Variants in MGST3 observed in about 807,000 individuals in gnomAD.
MGST3 encodes the protein glutathione S-transferase 3, mitochondrial.
A neutral mutation model predicts 15.8 loss-of-function variants in MGST3; 13 were observed. The ratio of observed to expected loss-of-function variants is 0.82; its 90% CI spans 0.54 to 1.31. MGST3 has a LOEUF of 1.31. MGST3 is among the 50% of genes most tolerant of loss of function. MGST3 has a pLI of 0.00. For synonymous variants in MGST3, 49 were observed against 68.1 expected (o/e 0.72, Z 1.38); for missense variants, 155 against 192.4 (o/e 0.81, Z 1.15).
At chr1:165,650,189 TAGA>T (rs1648514312) in intron 2 of MGST3, 1 of 571,878 alleles carries the variant, frequency 1.7e-6, no homozygotes. Context: ...GTCTCTTCGG[TAGA>T]AAGACCAGGA....
At position 165,638,794 on chromosome 1, in the gene MGST3, T is replaced by TA. The variant is rs34399622; in HGVS notation, c.-8+7516dup. On this transcript the variant is annotated intron_variant, in intron 1 of 5. Coordinates refer to ENST00000367889, the MANE Select transcript of MGST3 (RefSeq NM_004528.4). ...TGTGGGACAGAGAGAGACTCCGTCT[T>TA]AAAAAAAAAAAAAAACCCACATTCT... 8.0e-3 allele frequency among the ~76,000 whole-genome samples: 1,169 copies of TA among 146,572 alleles called. 11 individuals are homozygous for TA. Among genetic ancestry groups the TA allele is most frequent in the Middle Eastern group, 0.014 (4 of 284 alleles).
At position 165,654,354 on chromosome 1, in the gene MGST3, T is replaced by C; in HGVS notation, c.322+3T>C. ...TGCTTATGGCTATTACACGGGAGGTTAGTATATATTGACATTTGCCAAGGA... is the reference window on the plus strand; with the variant it reads ...TGCTTATGGCTATTACACGGGAGGTCAGTATATATTGACATTTGCCAAGGA... On this transcript the variant is annotated splice_donor_region_variant and intron_variant, in intron 5 of 5. Transcript: ENST00000367889. The C allele has an allele frequency of 6.2e-7, 1 of 1,613,500 alleles. No individual in the cohort carries two copies. The highest frequency in any genetic ancestry group is 8.5e-7 in the Non-Finnish European group (1 of 1,179,402).
At chr1:165,645,173 T>C (rs1330986620) in intron 1 of MGST3, among the ~76,000 whole-genome samples, 1 of 152,212 alleles carries the variant, frequency 6.6e-6, no homozygotes, top group Admixed American at 6.5e-5. Context: ...CATACTGACT[T>C]TGAGCTGATG....
At chr1:165,634,009 T>G (rs1267987038) in intron 1 of MGST3, among the ~76,000 whole-genome samples, 1 of 151,350 alleles carries the variant, frequency 6.6e-6, no homozygotes, top group African/African-American at 2.4e-5. Context: ...ATTCCTTGTT[T>G]GGAACTTTCC....
intron 1 of MGST3, among the ~76,000 whole-genome samples, chr1:165,643,565 A>T (rs1407684299): frequency 6.6e-6 from 1 of 151,616 alleles, no homozygotes; most frequent in African/African-American, 2.4e-5. Context: ...AAAAAAAAAA[A>T]AAAGAAAAAA....
intron 1 of MGST3, chr1:165,646,203 G>A (rs1648395200): frequency 6.6e-6 from 1 of 152,226 alleles, no homozygotes; most frequent in Admixed American, 6.5e-5. Context: ...ACAACCCAGG[G>A]TGTGGCTGCG....
At chr1:165,644,378 T>G (rs753659738) in intron 1 of MGST3, among the ~76,000 whole-genome samples, 3 of 152,314 alleles carry the variant, frequency 2.0e-5, no homozygotes, top group Non-Finnish European at 4.4e-5. Context: ...GTGGTATGTA[T>G]TTGTGTGTCT....
chr1:165,654,382 C>T, intron 5 of MGST3, 31 bp downstream of exon 5: 3 of 1,602,074 alleles, frequency 1.9e-6, no homozygotes, highest in Non-Finnish European at 1.7e-6. Context: ...GCCAAGGAAA[C>T]AACTTTAAAA....
chr1:165,638,523 C>T (rs1648175425), intron 1 of MGST3, among the ~76,000 whole-genome samples: 1 of 152,046 alleles, frequency 6.6e-6, no homozygotes, highest in African/African-American at 2.4e-5. Flanking sequence ...GTGGCTCACA[C>T]CTGTAATCCC....
chr1:165,637,217 G>A (rs1040235644), intron 1 of MGST3: 6 of 152,188 alleles, frequency 3.9e-5, no homozygotes, highest in Admixed American at 1.3e-4. Flanking sequence ...AAGAGCAGTT[G>A]AGAAATTGCA....
chr1:165,651,250 C>T, intron 3 of MGST3, 163 bp downstream of exon 3: 2 of 677,400 alleles, frequency 3.0e-6, no homozygotes, highest in Admixed American at 4.3e-5. Context: ...AACACATTGA[C>T]TATTAAGCAA....
intron 1 of MGST3, among the ~76,000 whole-genome samples, chr1:165,640,586 A>G (rs1428412133): frequency 6.6e-6 from 1 of 152,180 alleles, no homozygotes; most frequent in Non-Finnish European, 1.5e-5. Flanking sequence ...GGCCCCACCT[A>G]ACATGACTGA....
At chr1:165,640,307 C>T (rs1648229082) in intron 1 of MGST3, among the ~76,000 whole-genome samples, 1 of 151,958 alleles carries the variant, frequency 6.6e-6, no homozygotes, top group Non-Finnish European at 1.5e-5. Context: ...TTGTGAAGAG[C>T]TTAGCTGGAG....
chr1:165,649,657 AT>A (rs1648501263), intron 1 of MGST3, 183 bp from the exon 2 acceptor site: 17 of 660,624 alleles, frequency 2.6e-5, no homozygotes, highest in Non-Finnish European at 3.6e-5. Context: ...TAGTTGAGTA[AT>A]TTTTAAATTA....
intron 4 of MGST3, 59 bp downstream of exon 4, chr1:165,652,094 G>T: frequency 8.9e-7 from 1 of 1,123,238 alleles, no homozygotes; most frequent in South Asian, 1.3e-5. Context: ...CTATTATCAG[G>T]GACAGAAGAA....
At chr1:165,640,865 G>A (rs1025586433) in intron 1 of MGST3, among the ~76,000 whole-genome samples, 1 of 152,206 alleles carries the variant, frequency 6.6e-6, no homozygotes, top group Non-Finnish European at 1.5e-5. Context: ...GCCCTGCCCA[G>A]TCTCTATGCC....
intron 1 of MGST3, 71 bp from the exon 2 acceptor site, chr1:165,649,764 ATCTTGC>A: frequency 6.3e-7 from 1 of 1,589,046 alleles, no homozygotes; most frequent in Non-Finnish European, 8.6e-7. Flanking sequence ...GTAATAAAGC[ATCTTGC>A]TCCCTAAGGC....
chr1:165,632,252 G>A, intron 1 of MGST3: 1 of 1,612,726 alleles, frequency 6.2e-7, no homozygotes, highest in Non-Finnish European at 8.5e-7. Flanking sequence ...GCCCTGGAGG[G>A]GAAGGCGCTT....
At position 165,655,719 on chromosome 1, in the gene MGST3, C is replaced by T; in HGVS notation, c.*215C>T. Reference sequence around the variant, plus strand: ...AGGAGCCACAAGTATTGTGCCCTCTCCTCACCCTTCCAGCAGATGCTTCTG... The same window carrying T: ...AGGAGCCACAAGTATTGTGCCCTCTTCTCACCCTTCCAGCAGATGCTTCTG... On this transcript the variant is annotated 3_prime_UTR_variant, in exon 6 of 6. Coordinates refer to ENST00000367889, the MANE Select transcript of MGST3 (RefSeq NM_004528.4). The T allele has an allele frequency of 1.7e-6, 1 of 586,184 alleles. No homozygotes were observed. Among genetic ancestry groups the T allele is most frequent in the Non-Finnish European group, 3.0e-6 (1 of 335,942 alleles). The allele number at this position is 586,184 out of a possible 1,614,324, so 36.3% of individuals were successfully genotyped here.
Sources: gnomAD v4.1 joint callset for allele counts (sites outside exome capture counted in the v4.1 genomes callset) on GRCh38, gnomAD v4.1.1 for gene constraint, MANE v1.5 for transcripts, NCBI Gene and HGNC (gene_info 2026-07-23, HGNC 2026-07-21) for gene names.